MYOM3: variants seen among roughly 807,000 people sequenced by gnomAD.
MYOM3 encodes myomesin 3.
In MYOM3, 155 loss-of-function variants were observed where a neutral mutation model predicts 191.7. That is an observed-to-expected ratio of 0.81 (90% CI 0.71 to 0.92). MYOM3 has a LOEUF of 0.92. Among genes scored for constraint, MYOM3 ranks in the 40% least tolerant of loss-of-function variants. The pLI, the probability that MYOM3 is intolerant of heterozygous loss-of-function variation, is 0.00. For synonymous variants in MYOM3, 757 were observed against 762.9 expected (o/e 0.99, Z 0.13); for missense variants, 1,889 against 1,890.6 (o/e 1.00, Z 0.02).
At chr1:24,082,424 G>A in intron 17 of MYOM3, 169 bp downstream of exon 17, 1 of 1,059,020 alleles carries the variant, frequency 9.4e-7, no homozygotes, top group Non-Finnish European at 1.3e-6. Flanking sequence ...CTCAAGCCAT[G>A]GTTACTTCCT....
chr1:24,067,405 TCCTTCCTTCCTTCCTTCC>T (rs2148544176), intron 27 of MYOM3, among the ~76,000 whole-genome samples: 1 of 84,734 alleles, frequency 1.2e-5, no homozygotes, highest in East Asian at 4.7e-4. Flanking sequence ...CTTCCTTCCT[TCCTTCCTTCCTTCCTTCC>T]TTCCTTCCTT....
chr1:24,086,970 C>G, intron 14 of MYOM3, 143 bp from the exon 15 acceptor site: 13 of 752,112 alleles, frequency 1.7e-5, no homozygotes, highest in Non-Finnish European at 2.3e-5. Flanking sequence ...GCATGGGGCT[C>G]TGCCCCATCT....
In MYOM3 at chr1:24,099,761, G is replaced by T. The variant is rs779228022; in HGVS notation, c.575C>A (p.Thr192Lys). The T allele has an allele frequency of 1.2e-6, 2 of 1,614,034 alleles. No homozygotes were observed. Among genetic ancestry groups the T allele is most frequent in the South Asian group, 1.1e-5 (1 of 91,072 alleles). Residue 192 changes from threonine to lysine, a missense_variant, in exon 6 of 37, where the codon ACA becomes AAA. Coordinates refer to ENST00000374434, the MANE Select transcript of MYOM3 (RefSeq NM_152372.4). ...ACGAAAGAGGCGGGGATCAATCCGT[G>T]TGTCATTTTTGTACCTGTGGGGACA... ...PPQVTWYKNDTRIDPRLFRAG... is the reference protein window; with the variant it reads ...PPQVTWYKNDKRIDPRLFRAG...
chr1:24,062,212 C>CTATG, intron 32 of MYOM3, 103 bp from the exon 33 acceptor site: 4 of 1,295,812 alleles, frequency 3.1e-6, no homozygotes, highest in Non-Finnish European at 4.3e-6. Context: ...AGATCACGGG[C>CTATG]TATGGGTGGT....
In MYOM3 at chr1:24,090,942, A is replaced by G; in HGVS notation, c.1287T>C (p.Thr429=). The G allele has an allele frequency of 6.2e-7, 1 of 1,614,078 alleles. No homozygotes were observed. The highest frequency in any genetic ancestry group is 8.5e-7 in the Non-Finnish European group (1 of 1,180,000). The stretch of plus-strand genomic sequence containing the variant: ...CGAGGCCTTGGATTGGGCACCGACA[A>G]GTCCCTCCGGGGGCCTCATGGCAGG... ...WIACHEAPGG[T]CRCPIQGLVE... Residue 429 remains threonine (T), a synonymous_variant, in exon 12 of 37, where the codon ACT becomes ACC. Transcript: ENST00000374434.
chr1:24,074,136 C>A, intron 23 of MYOM3, 24 bp downstream of exon 23: 1 of 1,570,692 alleles, frequency 6.4e-7, no homozygotes, highest in Non-Finnish European at 8.8e-7. Flanking sequence ...GGGGAGGTGG[C>A]AGGGAGCGGG....
chr1:24,067,337 T>C (rs1377158471), intron 27 of MYOM3, among the ~76,000 whole-genome samples: 3,319 of 71,784 alleles, frequency 0.046, 279 homozygotes, highest in African/African-American at 0.11. Context: ...TCTTTCTTTC[T>C]TTCTTTCTTT....
chr1:24,062,136 A>C (rs774069107), intron 32 of MYOM3, 27 bp from the exon 33 acceptor site: 7 of 1,611,702 alleles, frequency 4.3e-6, no homozygotes, highest in Non-Finnish European at 5.9e-6. Context: ...AGAAATGGTT[A>C]AGGCTGCCTG....
At chr1:24,076,620 TC>T (rs1317346027) in intron 20 of MYOM3, among the ~76,000 whole-genome samples, 1 of 95,708 alleles carries the variant, frequency 1.0e-5, no homozygotes, top group Non-Finnish European at 2.3e-5. Flanking sequence ...TTCACGCCAT[TC>T]TCCTGCCTCA....
chr1:24,072,080 C>T lies in MYOM3; in HGVS notation c.2969-67G>A, dbSNP rs2148546434. ...ATATCCTGGTCGGGGGTGGGGGGCC[C>T]ACAGGAGCCGTCCTAGGATCCTGTG... On this transcript the variant is annotated intron_variant, in intron 23 of 36. Transcript: ENST00000374434. The T allele has an allele frequency of 4.0e-6, 6 of 1,514,422 alleles. No homozygotes were observed. In the East Asian group the frequency reaches 1.1e-4, roughly 28 times the overall value. The allele number at this position is 1,514,422 out of a possible 1,614,324, so 93.8% of individuals were successfully genotyped here. A position where few individuals can be genotyped will look rare whatever the true frequency, so the allele number is the denominator to read the frequency against.
intron 21 of MYOM3, among the ~76,000 whole-genome samples, 188 bp from the exon 22 acceptor site, chr1:24,075,663 C>T (rs930476590): frequency 3.3e-5 from 5 of 152,148 alleles, no homozygotes; most frequent in South Asian, 2.1e-4. Context: ...TTCAGAGAGG[C>T]CCTCCTTGAC....
In MYOM3 at chr1:24,098,814, T is replaced by C. The variant is rs139740727; in HGVS notation, c.657-803A>G. Among the ~76,000 whole-genome samples, 66 of 152,314 alleles carry C rather than the reference T, an allele frequency of 4.3e-4. No homozygotes were observed. In the East Asian group the frequency reaches 0.012, roughly 28 times the overall value. On this transcript the variant is annotated intron_variant, in intron 6 of 36. Transcript: ENST00000374434. ...AAGGGTAAGATGAGTGTTCTGCTTA[T>C]CTTTGTGTCTCTGAGGCCTGGGTTG...
rs377309347 is a variant in MYOM3, at chr1:24,071,142, T to C, written c.3125A>G (p.Asn1042Ser). The C allele has an allele frequency of 1.4e-5, 23 of 1,613,928 alleles. No individual in the cohort carries two copies. The highest frequency in any genetic ancestry group is 1.9e-5 in the Non-Finnish European group (23 of 1,179,980). The stretch of plus-strand genomic sequence containing the variant: ...CGGCGAGCTGAAGATCTCCTTGTTG[T>C]TGAAGATTAGATGTAGCTCAGCGGC... ...SPAAELHLIF[N>S]NKEIFSSPNR... The change falls in exon 25 of 37, where the codon AAC (asparagine) becomes AGC (serine). Residue 1042 changes from asparagine to serine, a missense_variant. Asn to Ser is a conservative substitution (Grantham distance 46). Coordinates refer to ENST00000374434, the MANE Select transcript of MYOM3 (RefSeq NM_152372.4).
At position 24,068,235 on chromosome 1, in the gene MYOM3, G is replaced by C. The variant is rs1483137234; in HGVS notation, c.3283C>G (p.Leu1095Val). 1 of 1,614,108 alleles carries C rather than the reference G, an allele frequency of 6.2e-7. No individual in the cohort carries two copies. ...GKAKNQITLT[L>V]VDDDFDKLLR... ...GGGCATGGCTGACCGTCATCCACCAGTGTCAAGGTAATCTGGTTTTTGGCT... is the reference window on the plus strand; with the variant it reads ...GGGCATGGCTGACCGTCATCCACCACTGTCAAGGTAATCTGGTTTTTGGCT... Residue 1095 changes from leucine to valine, a missense_variant, in exon 26 of 37, where the codon CTG becomes GTG. By Grantham distance (32) the Leu-to-Val change is conservative (BLOSUM62 1). Transcript: ENST00000374434.
At chr1:24,091,054 T>A in intron 11 of MYOM3, 58 bp from the exon 12 acceptor site, 1 of 1,582,690 alleles carries the variant, frequency 6.3e-7, no homozygotes, top group Non-Finnish European at 8.6e-7. Flanking sequence ...CTTCCCAATG[T>A]GAGCCTCTAC....
At chr1:24,090,145 GT>G (rs1397408982) in intron 12 of MYOM3, 27 bp from the exon 13 acceptor site, 9 of 1,587,382 alleles carry the variant, frequency 5.7e-6, no homozygotes, top group Non-Finnish European at 7.8e-6. Context: ...GCATGGGAGG[GT>G]GGGGGGTGGC....
At chr1:24,060,952 G>T in intron 35 of MYOM3, 108 bp downstream of exon 35, 1 of 1,278,134 alleles carries the variant, frequency 7.8e-7, no homozygotes, top group Non-Finnish European at 1.1e-6. Context: ...GAGCCCCACA[G>T]ACCCCACTGT....
rs749055876 is a variant in MYOM3, at chr1:24,067,070, G to A, written c.3374C>T (p.Pro1125Leu). The A allele has an allele frequency of 1.1e-5, 17 of 1,578,480 alleles. No individual in the cohort carries two copies. Among genetic ancestry groups the A allele is most frequent in the Non-Finnish European group, 1.4e-5 (16 of 1,159,864 alleles). ...GTCCTCCGTGACCTTCCACTGCAAC[G>A]GCCGCTCAAAATAGGGACCTGTGCG... ...KRKQGPYFERPLQWKVTEDCQ... is the reference protein window; with the variant it reads ...KRKQGPYFERLLQWKVTEDCQ... The change falls in exon 28 of 37, where the codon CCG (proline) becomes CTG (leucine). Residue 1125 changes from proline (P) to leucine (L), a missense_variant. By Grantham distance (98) the Pro-to-Leu change is moderately conservative (BLOSUM62 -3). Coordinates refer to ENST00000374434, the MANE Select transcript of MYOM3 (RefSeq NM_152372.4).
At chr1:24,088,639 T>C (rs980720467) in intron 14 of MYOM3, among the ~76,000 whole-genome samples, 2 of 152,184 alleles carry the variant, frequency 1.3e-5, no homozygotes, top group African/African-American at 4.8e-5. Context: ...AGAGGCCTGT[T>C]TGGATAATCA....
Sources: allele counts gnomAD v4.1 joint callset (sites outside exome capture counted in the v4.1 genomes callset), GRCh38; gene constraint gnomAD v4.1.1; transcripts MANE v1.5; gene names NCBI Gene and HGNC (gene_info 2026-07-23, HGNC 2026-07-21).